AKAP6: variants seen among roughly 807,000 people sequenced by gnomAD.
AKAP6 encodes A-kinase anchor protein 6.
AKAP6 carries 58 observed loss-of-function variants against 188.5 expected under a neutral mutation model. The ratio of observed to expected loss-of-function variants is 0.31; its 90% CI spans 0.25 to 0.38. The LOEUF (loss-of-function observed/expected upper bound fraction) is 0.38. Among genes scored for constraint, AKAP6 ranks in the 10% least tolerant of loss-of-function variants. The pLI, the probability that AKAP6 is intolerant of heterozygous loss-of-function variation, is 1.00. For missense variants in AKAP6, 2,710 were observed against 2,740.0 expected, an observed-to-expected ratio of 0.99 and a Z score of 0.24; for synonymous variants, 989 against 998.6, an observed-to-expected ratio of 0.99 and a Z score of 0.18.
chr14:32,705,955 A>G (rs2139732102), intron 9 of AKAP6, among the ~76,000 whole-genome samples: 1 of 152,290 alleles, frequency 6.6e-6, no homozygotes, highest in South Asian at 2.1e-4. Flanking sequence ...AGTTCCACTC[A>G]AAATTTTTTG....
intron 1 of AKAP6, among the ~76,000 whole-genome samples, chr14:32,336,423 T>C (rs924009391): frequency 8.5e-5 from 13 of 152,170 alleles, no homozygotes; most frequent in African/African-American, 2.7e-4. Context: ...ATTTCACCAG[T>C]AGTCAACAAT....
At chr14:32,529,847 T>A (rs1467119584) in intron 2 of AKAP6, among the ~76,000 whole-genome samples, 1 of 152,158 alleles carries the variant, frequency 6.6e-6, no homozygotes, top group Non-Finnish European at 1.5e-5. Context: ...TGCAACTAAC[T>A]GTGATATTTC....
intron 1 of AKAP6, among the ~76,000 whole-genome samples, chr14:32,427,359 G>A (rs932550682): frequency 2.0e-4 from 30 of 152,180 alleles, no homozygotes; most frequent in African/African-American, 7.2e-4. Flanking sequence ...ATTTCCTTAG[G>A]AGCATCTTAC....
intron 8 of AKAP6, among the ~76,000 whole-genome samples, chr14:32,681,196 A>G (rs72668000): frequency 0.037 from 5,618 of 152,272 alleles, 167 homozygotes; most frequent in Non-Finnish European, 0.062. Context: ...AAGTATAACC[A>G]TCTCTTTTTC....
At chr14:32,758,391 T>C (rs975318566) in intron 11 of AKAP6, among the ~76,000 whole-genome samples, 1 of 152,230 alleles carries the variant, frequency 6.6e-6, no homozygotes, top group Non-Finnish European at 1.5e-5. Flanking sequence ...TCCCAATTTT[T>C]ACTCTGTAAA....
intron 2 of AKAP6, among the ~76,000 whole-genome samples, chr14:32,513,208 T>C (rs571300130): frequency 1.3e-5 from 2 of 152,324 alleles, no homozygotes; most frequent in South Asian, 2.1e-4. Context: ...ATTGGTAATC[T>C]ATTCAGCTAT....
At chr14:32,449,322 A>G (rs111615735) in intron 2 of AKAP6, among the ~76,000 whole-genome samples, 13 of 152,218 alleles carry the variant, frequency 8.5e-5, no homozygotes, top group African/African-American at 2.9e-4. Flanking sequence ...AGCCTTGCCA[A>G]TGTGGTAAAA....
intron 1 of AKAP6, among the ~76,000 whole-genome samples, chr14:32,408,459 C>T (rs1476475755): frequency 6.6e-6 from 1 of 150,644 alleles, no homozygotes; most frequent in East Asian, 1.9e-4. Context: ...GAGTAATTGA[C>T]GGACTGGTTT....
chr14:32,582,974 C>T (rs1885050159), intron 5 of AKAP6, among the ~76,000 whole-genome samples: 1 of 152,166 alleles, frequency 6.6e-6, no homozygotes, highest in African/African-American at 2.4e-5. Flanking sequence ...CATCTGAAGC[C>T]TTCTTCTCTC....
At chr14:32,725,202 A>G (rs1317906174) in intron 9 of AKAP6, among the ~76,000 whole-genome samples, 2 of 152,118 alleles carry the variant, frequency 1.3e-5, no homozygotes, top group African/African-American at 2.4e-5. Flanking sequence ...TTATGTTTGT[A>G]AAACTAACCA....
intron 1 of AKAP6, among the ~76,000 whole-genome samples, chr14:32,362,696 G>A (rs1235107370): frequency 6.6e-6 from 1 of 152,144 alleles, no homozygotes; most frequent in Admixed American, 6.5e-5. Context: ...AGTTACAGAG[G>A]GGAGGTAGGA....
intron 8 of AKAP6, among the ~76,000 whole-genome samples, chr14:32,692,359 T>C (rs1193938677): frequency 6.6e-6 from 1 of 152,194 alleles, no homozygotes; most frequent in Non-Finnish European, 1.5e-5. Context: ...TATTTTTTAA[T>C]TTATTTGAAA....
At chr14:32,495,761 G>A (rs1025635304) in intron 2 of AKAP6, among the ~76,000 whole-genome samples, 1 of 152,128 alleles carries the variant, frequency 6.6e-6, no homozygotes, top group African/African-American at 2.4e-5. Context: ...AACAGTGGGA[G>A]AAAATGTTAA....
chr14:32,517,394 G>T (rs546799914), intron 2 of AKAP6, among the ~76,000 whole-genome samples: 12 of 152,170 alleles, frequency 7.9e-5, no homozygotes, highest in Admixed American at 6.5e-4. Flanking sequence ...TGATTTCTGC[G>T]TTTCCAACTG....
At chr14:32,701,013 T>G (rs927545495) in intron 9 of AKAP6, among the ~76,000 whole-genome samples, 25 of 152,312 alleles carry the variant, frequency 1.6e-4, no homozygotes, top group African/African-American at 4.8e-4. Flanking sequence ...ATACTAAAGA[T>G]TTTGTACTTA....
intron 12 of AKAP6, 111 bp from the exon 13 acceptor site, chr14:32,821,291 A>G (rs1480022265): frequency 8.3e-7 from 1 of 1,206,200 alleles, no homozygotes; most frequent in Non-Finnish European, 1.1e-6. Flanking sequence ...TTTCAAGTCC[A>G]TGCTTGGGGC....
intron 3 of AKAP6, among the ~76,000 whole-genome samples, chr14:32,541,903 T>G (rs1882972488): frequency 6.6e-6 from 1 of 152,228 alleles, no homozygotes. Context: ...TAGGTGATTT[T>G]TGTTGAGATT....
At position 32,805,784 on chromosome 14, in the gene AKAP6, T is replaced by A. The variant is rs961627765; in HGVS notation, c.3589-15618T>A. Among the ~76,000 whole-genome samples, 19 of 152,324 alleles carry A rather than the reference T, an allele frequency of 1.2e-4. No individual in the cohort carries two copies. In the Middle Eastern group the frequency reaches 0.01, roughly 82 times the overall value. ...TTTCCCTTGAATTGTGTTTATGAAT[T>A]TTTAACATATAAATGGGTAAGTTTG... On this transcript the variant is annotated intron_variant, in intron 12 of 13. Transcript: ENST00000280979.
rs182578539 is a variant in AKAP6, at chr14:32,729,584, C to T, written c.3001-2870C>T. On this transcript the variant is annotated intron_variant, in intron 9 of 13. Coordinates refer to ENST00000280979, the MANE Select transcript of AKAP6 (RefSeq NM_004274.5). ...GGGATGGCATTTAGAATAGTACTGT[C>T]CTGTGTCTTTAATTTAGATCATTCA... is the stretch of plus-strand genomic sequence containing the variant. 1.3e-4 allele frequency among the ~76,000 whole-genome samples: 20 copies of T among 152,082 alleles called. No individual in the cohort carries two copies. In the Middle Eastern group the frequency reaches 0.01, roughly 78 times the overall value.
Sources: allele counts gnomAD v4.1 joint callset (sites outside exome capture counted in the v4.1 genomes callset), GRCh38; gene constraint gnomAD v4.1.1; transcripts MANE v1.5; gene names NCBI Gene and HGNC (gene_info 2026-07-23, HGNC 2026-07-21).